The following SCUBE1 variants were observed in gnomAD, a reference collection of about 807,000 sequenced individuals.
The protein encoded by SCUBE1 is signal peptide, CUB and EGF-like domain-containing protein 1.
Under a neutral mutation model 124.4 loss-of-function variants are expected in SCUBE1, and 59 were observed. The observed-to-expected ratio is 0.47, with a 90% CI of 0.38 to 0.59. The LOEUF is 0.59. Ranked by LOEUF, SCUBE1 falls within the 20% of genes least tolerant of loss-of-function variation. SCUBE1 has a pLI of 0.00. For synonymous variants in SCUBE1, 545 were observed against 550.9 expected (o/e 0.99, Z 0.15); for missense variants, 1,150 against 1,371.2 (o/e 0.84, Z 2.55).
At chr22:43,207,083 C>A (rs1461359963) in intron 21 of SCUBE1, among the ~76,000 whole-genome samples, 3 of 152,180 alleles carry the variant, frequency 2.0e-5, no homozygotes, top group African/African-American at 7.2e-5. Context: ...GGCCAGTACC[C>A]ACCATGTGAC....
intron 1 of SCUBE1, among the ~76,000 whole-genome samples, chr22:43,340,690 CTG>C (rs1927285371): frequency 6.6e-6 from 1 of 152,146 alleles, no homozygotes; most frequent in Non-Finnish European, 1.5e-5. Flanking sequence ...GGGGCTGAGA[CTG>C]GACTCTGACA....
At chr22:43,219,692 T>C (rs1305943139) in intron 14 of SCUBE1, among the ~76,000 whole-genome samples, 1 of 152,192 alleles carries the variant, frequency 6.6e-6, no homozygotes, top group Non-Finnish European at 1.5e-5. Flanking sequence ...CAGGCTGGTC[T>C]TGAACTCCTG....
In SCUBE1 at chr22:43,339,969, C is replaced by T. The variant is rs574668093; in HGVS notation, c.89-734G>A. Among the ~76,000 whole-genome samples the T allele has an allele frequency of 5.3e-5, 4 of 74,988 alleles. No individual in the cohort carries two copies. In the Admixed American group the frequency reaches 6.8e-4, roughly 13 times the overall value. The allele number at this position is 74,988 out of a possible 152,430, so 49.2% of individuals were successfully genotyped here. On this transcript the variant is annotated intron_variant, in intron 1 of 21. Coordinates refer to ENST00000360835, the MANE Select transcript of SCUBE1 (RefSeq NM_173050.5). ...CCCCCACTCTCCTCATTCTACCCCC[C>T]CCAAAGCATAGCTCCAACCCTCCCC...
intron 11 of SCUBE1, 142 bp downstream of exon 11, chr22:43,222,955 C>G: frequency 8.1e-7 from 1 of 1,238,648 alleles, no homozygotes. Flanking sequence ...AACCAGACAG[C>G]TGCCTTAGGG....
chr22:43,299,376 G>A (rs1925683991), intron 3 of SCUBE1, among the ~76,000 whole-genome samples: 1 of 152,168 alleles, frequency 6.6e-6, no homozygotes, highest in Non-Finnish European at 1.5e-5. Flanking sequence ...CACATCAGAG[G>A]GGAGCACTCA....
chr22:43,269,839 G>A (rs879562664), intron 4 of SCUBE1, among the ~76,000 whole-genome samples: 1 of 152,174 alleles, frequency 6.6e-6, no homozygotes, highest in Non-Finnish European at 1.5e-5. Context: ...AGGAAACCCG[G>A]GGAAGGTGGT....
At chr22:43,268,120 T>C (rs1048315276) in intron 4 of SCUBE1, among the ~76,000 whole-genome samples, 2 of 152,198 alleles carry the variant, frequency 1.3e-5, no homozygotes, top group Non-Finnish European at 2.9e-5. Context: ...TGTCCACCGA[T>C]GCCAGCCTGT....
rs1925632526 is a variant in SCUBE1 at position 43,298,108 on chromosome 22, G to GTATCTAA, written c.350-6929_350-6928insTTAGATA. Among the ~76,000 whole-genome samples, 5 of 152,248 alleles carry GTATCTAA rather than the reference G, an allele frequency of 3.3e-5. No homozygotes were observed. In the South Asian group the frequency reaches 8.3e-4, roughly 25 times the overall value. ...AGAAAAGCCTCTTGGCTATCTAGCGGCTCTTGCAAAATTGCATTTGATGAG... is the reference window on the plus strand; with the variant it reads ...AGAAAAGCCTCTTGGCTATCTAGCGGTATCTAACTCTTGCAAAATTGCATTTGATGAG... On this transcript the variant is annotated intron_variant, in intron 3 of 21. Coordinates refer to ENST00000360835, the MANE Select transcript of SCUBE1 (RefSeq NM_173050.5).
intron 1 of SCUBE1, among the ~76,000 whole-genome samples, chr22:43,339,680 T>TCCTC (rs1927215617): frequency 1.6e-5 from 1 of 63,120 alleles, no homozygotes; most frequent in Non-Finnish European, 3.1e-5. Flanking sequence ...CTCCTCACTC[T>TCCTC]ATCCCCCCAC....
At chr22:43,227,688 C>G (rs1240518418) in intron 9 of SCUBE1, among the ~76,000 whole-genome samples, 192 bp from the exon 10 acceptor site, 1 of 152,150 alleles carries the variant, frequency 6.6e-6, no homozygotes, top group Admixed American at 6.5e-5. Flanking sequence ...CTCACAGACC[C>G]CAGCGTCCCT....
In SCUBE1 at chr22:43,221,260, C is replaced by T. The variant is rs748983101; in HGVS notation, c.1462G>A (p.Ala488Thr). 1.9e-5 allele frequency: 31 copies of T among 1,611,218 alleles called. No homozygotes were observed. In the South Asian group the frequency reaches 3.3e-4, roughly 17 times the overall value. The change falls in exon 13 of 22, where the codon GCC (alanine) becomes ACC (threonine). Residue 488 changes from alanine (A) to threonine (T), a missense_variant. By Grantham distance (58) the Ala-to-Thr change is moderately conservative. Around this residue, in one of 3 missense-constraint regions of SCUBE1, gnomAD observed 757 missense variants for 840.9 expected, o/e 0.90. Transcript: ENST00000360835. ...DAPTTPIKQK[A>T]RFKIRDAKCH... Reference sequence around the variant, plus strand: ...TTGGCATCTCGGATCTTGAAGCGGGCCTTCTGTTTGATGGGGGTGGTGGGG... The same window carrying T: ...TTGGCATCTCGGATCTTGAAGCGGGTCTTCTGTTTGATGGGGGTGGTGGGG...
intron 5 of SCUBE1, among the ~76,000 whole-genome samples, chr22:43,261,180 A>G (rs2146710515): frequency 6.6e-6 from 1 of 152,330 alleles, no homozygotes; most frequent in Non-Finnish European, 1.5e-5. Flanking sequence ...TGGAGTCAGC[A>G]TTTCTGTTCT....
chr22:43,243,459 G>C (rs559108186), intron 6 of SCUBE1, among the ~76,000 whole-genome samples: 1 of 152,390 alleles, frequency 6.6e-6, no homozygotes, highest in Admixed American at 6.5e-5. Flanking sequence ...CTGCAGGGGA[G>C]GCCGGGCGCT....
chr22:43,311,484 A>G (rs1289953567), intron 3 of SCUBE1, among the ~76,000 whole-genome samples: 1 of 148,894 alleles, frequency 6.7e-6, no homozygotes, highest in East Asian at 2.0e-4. Context: ...GCAGTGGTGT[A>G]ATCTCGGCTC....
intron 17 of SCUBE1, among the ~76,000 whole-genome samples, chr22:43,212,010 G>T (rs1460590499): frequency 6.6e-6 from 1 of 152,106 alleles, no homozygotes; most frequent in African/African-American, 2.4e-5. Flanking sequence ...GGTGAGTGAG[G>T]GAAGACGGGA....
chr22:43,203,017 G>C lies in SCUBE1; in HGVS notation c.*980C>G, dbSNP rs9623778. ...CTGGGCCCCTGCACCTCCTGGGAAC[G>C]GGTCCGAGGGGAAGTGTCTTCCACT... On this transcript the variant is annotated 3_prime_UTR_variant, in exon 22 of 22. Transcript: ENST00000360835. The C allele has an allele frequency of 0.037, 5,603 of 152,426 alleles. 332 individuals are homozygous for C. The highest frequency in any genetic ancestry group is 0.12 in the African/African-American group (4,950 of 41,552). 9.4% of individuals were successfully genotyped at this position (152,426 alleles called of 1,614,324 possible). A position where few individuals can be genotyped will look rare whatever the true frequency, so the allele number is the denominator to read the frequency against.
Position 43,219,621 on chromosome 22 carries a change from C to T in SCUBE1, c.1687+829G>A, listed in dbSNP as rs530552462. On this transcript the variant is annotated intron_variant, in intron 14 of 21. Transcript: ENST00000360835. The stretch of plus-strand genomic sequence containing the variant: ...CCTGAGTAGCTGGGATTACAGGTGC[C>T]TGCCACCACACCTGGCTAATTTTTG... Among the ~76,000 whole-genome samples the T allele has an allele frequency of 2.6e-5, 4 of 151,636 alleles. No homozygotes were observed. In the South Asian group the frequency reaches 6.3e-4, roughly 24 times the overall value.
chr22:43,274,841 C>T (rs2146726142), intron 4 of SCUBE1, among the ~76,000 whole-genome samples: 1 of 152,308 alleles, frequency 6.6e-6, no homozygotes, highest in Non-Finnish European at 1.5e-5. Context: ...ACTTCCTCTC[C>T]CTCAGCTGTG....
chr22:43,327,235 G>T (rs895623099), intron 2 of SCUBE1, among the ~76,000 whole-genome samples: 8 of 152,182 alleles, frequency 5.3e-5, no homozygotes, highest in African/African-American at 1.9e-4. Flanking sequence ...CAGAGACATT[G>T]CCTGTCCTGC....
Sources: gnomAD v4.1 joint callset for allele counts (sites outside exome capture counted in the v4.1 genomes callset) on GRCh38, gnomAD v4.1.1 for gene constraint, gnomAD v4.1.1 regional missense constraint, MANE v1.5 for transcripts, NCBI Gene and HGNC (gene_info 2026-07-23, HGNC 2026-07-21) for gene names.